Variants in ADAP1 observed in about 807,000 individuals in gnomAD.
ADAP1 encodes the protein arf-GAP with dual PH domain-containing protein 1.
Under a neutral mutation model 54.9 loss-of-function variants are expected in ADAP1, and 31 were observed. The observed-to-expected ratio is 0.56, with a 90% CI of 0.42 to 0.76. The LOEUF is 0.76. Among genes scored for constraint, ADAP1 ranks in the 30% least tolerant of loss-of-function variants. The pLI is 0.00. For missense variants in ADAP1, 535 were observed against 512.4 expected (o/e 1.04, Z -0.42); for synonymous variants, 313 against 202.6 (o/e 1.55, Z -4.63).
At chr7:904,910 C>G (rs1290127559) in intron 5 of ADAP1, 150 bp downstream of exon 5, 2 of 703,656 alleles carry the variant, frequency 2.8e-6, no homozygotes, top group African/African-American at 1.8e-5. Flanking sequence ...AGGCTCAGCC[C>G]AACACAGGCC....
intron 1 of ADAP1, among the ~76,000 whole-genome samples, chr7:937,175 CCGACCTCT>C (rs1562934096): frequency 1.0e-5 from 1 of 98,816 alleles, no homozygotes; most frequent in African/African-American, 4.0e-5. Flanking sequence ...GGGGTCACGC[CCGACCTCT>C]GGGATTTGGG....
rs540742892 is a variant in ADAP1, at chr7:952,763, G to C, written c.82+1633C>G. 7.9e-5 allele frequency among the ~76,000 whole-genome samples: 12 copies of C among 152,314 alleles called. No homozygotes were observed. In the East Asian group the frequency reaches 2.3e-3, roughly 29 times the overall value. ...CCGACAGAGGAGACAAGTCACTGAGGTCATGGACAGATTCTGAAAAGGCAG... is the reference window on the plus strand; with the variant it reads ...CCGACAGAGGAGACAAGTCACTGAGCTCATGGACAGATTCTGAAAAGGCAG... On this transcript the variant is annotated intron_variant, in intron 1 of 10. Transcript: ENST00000265846.
chr7:906,746 T>A lies in ADAP1; in HGVS notation c.389-1574A>T, dbSNP rs1432071158. 5.1e-3 allele frequency among the ~76,000 whole-genome samples: 119 copies of A among 23,230 alleles called. 5 individuals carry two copies. The highest frequency in any genetic ancestry group is 0.032 in the East Asian group (11 of 340). The allele number at this position is 23,230 out of a possible 152,430, so 15.2% of individuals were successfully genotyped here. A position where few individuals can be genotyped will look rare whatever the true frequency, so the allele number is the denominator to read the frequency against. ...GACGGGACATGGGGGACAGAGTACA[T>A]AGGGGACATGGACAGGGGACATGGG... On this transcript the variant is annotated intron_variant, in intron 4 of 10. Coordinates refer to ENST00000265846, the MANE Select transcript of ADAP1 (RefSeq NM_006869.4).
intron 2 of ADAP1, 59 bp downstream of exon 2, chr7:935,316 G>C (rs907402009): frequency 1.3e-6 from 2 of 1,531,936 alleles, no homozygotes; most frequent in Non-Finnish European, 1.8e-6. Context: ...TGGCTCCAGA[G>C]GCCCGGGCTG....
At chr7:936,703 T>TG (rs1181079359) in intron 1 of ADAP1, among the ~76,000 whole-genome samples, 1 of 152,224 alleles carries the variant, frequency 6.6e-6, no homozygotes, top group Non-Finnish European at 1.5e-5. Flanking sequence ...ACAGTCTCTC[T>TG]GGGGGAGATG....
chr7:920,709 C>T lies in ADAP1; in HGVS notation c.306-659G>A, dbSNP rs1846159957. Reference sequence around the variant, plus strand: ...AGAGTAAAGCCCGGGACGAGGGCCCCCCACGGCACCCACTGAGCCCAGACA... The same window carrying T: ...AGAGTAAAGCCCGGGACGAGGGCCCTCCACGGCACCCACTGAGCCCAGACA... On this transcript the variant is annotated intron_variant, in intron 3 of 10. Coordinates refer to ENST00000265846, the MANE Select transcript of ADAP1 (RefSeq NM_006869.4). The surrounding 1 kb of genome is among the most constrained non-coding windows in gnomAD (Gnocchi z 4.5). The T allele has an allele frequency of 9.2e-6, 12 of 1,299,724 alleles. No homozygotes were observed. The highest frequency in any genetic ancestry group is 4.2e-6 in the Non-Finnish European group (4 of 943,990). The allele number at this position is 1,299,724 out of a possible 1,614,324, so 80.5% of individuals were successfully genotyped here. A position where few individuals can be genotyped will look rare whatever the true frequency, so the allele number is the denominator to read the frequency against.
intron 4 of ADAP1, among the ~76,000 whole-genome samples, chr7:918,724 C>A (rs147809649): frequency 2.0e-5 from 3 of 152,290 alleles, no homozygotes; most frequent in South Asian, 2.1e-4. Flanking sequence ...CCTGTCGACA[C>A]GGTGGAGAAA....
Position 926,816 on chromosome 7 carries a change from G to T in ADAP1, c.214-172C>A. 1.4e-6 allele frequency: 1 copy of T among 738,898 alleles called. No individual in the cohort carries two copies. Among genetic ancestry groups the T allele is most frequent in the Non-Finnish European group, 2.1e-6 (1 of 478,034 alleles). 45.8% of individuals were successfully genotyped at this position (738,898 alleles called of 1,614,324 possible). On this transcript the variant is annotated intron_variant, in intron 2 of 10. Coordinates refer to ENST00000265846, the MANE Select transcript of ADAP1 (RefSeq NM_006869.4). The surrounding 1 kb of genome is among the most constrained non-coding windows in gnomAD (Gnocchi z 4.6). ...CTCCTGCCCCAGGGACACCATTTCT[G>T]AGTGATCGACCCTCCCCTGGGACAG... is the stretch of plus-strand genomic sequence containing the variant.
intron 4 of ADAP1, among the ~76,000 whole-genome samples, chr7:906,436 GA>G (rs1486675058): frequency 7.7e-6 from 1 of 130,428 alleles, no homozygotes; most frequent in African/African-American, 2.8e-5. Flanking sequence ...AAGGAGAAAG[GA>G]GAAAGGAGAA....
intron 7 of ADAP1, 68 bp downstream of exon 7, chr7:900,465 G>T: frequency 6.7e-7 from 1 of 1,482,152 alleles, no homozygotes; most frequent in Non-Finnish European, 9.2e-7. Flanking sequence ...CAGGGCACGA[G>T]GGCTCCGTCC....
Position 903,924 on chromosome 7 carries a change from C to G in ADAP1, c.648+202G>C, listed in dbSNP as rs1376187249. On this transcript the variant is annotated intron_variant, in intron 6 of 10. Coordinates refer to ENST00000265846, the MANE Select transcript of ADAP1 (RefSeq NM_006869.4). ...GCCTTCCTGCACCTGTCTTCCCATG[C>G]TGCCCGGCGCCAGTGCCCACACTCC... 2.0e-5 allele frequency: 12 copies of G among 607,882 alleles called. No homozygotes were observed. The South Asian group carries it at 2.6e-4, about 13-fold the overall frequency. The allele number at this position is 607,882 out of a possible 1,614,324, so 37.7% of individuals were successfully genotyped here.
chr7:935,087 G>A (rs999407644), intron 2 of ADAP1: 23 of 557,856 alleles, frequency 4.1e-5, no homozygotes, highest in African/African-American at 3.7e-4. Context: ...GGAGCACTCC[G>A]GAGCTCCCAG....
At chr7:953,568 T>G (rs1562940382) in intron 1 of ADAP1, among the ~76,000 whole-genome samples, 1 of 152,222 alleles carries the variant, frequency 6.6e-6, no homozygotes, top group Non-Finnish European at 1.5e-5. Flanking sequence ...ATTCCTGGTG[T>G]GCCTGGGGTG....
At chr7:936,848 C>A (rs1846776017) in intron 1 of ADAP1, among the ~76,000 whole-genome samples, 1 of 152,216 alleles carries the variant, frequency 6.6e-6, no homozygotes, top group African/African-American at 2.4e-5. Flanking sequence ...GGAGAGGACC[C>A]CACCCTTCAG....
chr7:910,572 T>C (rs1298206429), intron 4 of ADAP1, among the ~76,000 whole-genome samples: 2 of 152,226 alleles, frequency 1.3e-5, no homozygotes, highest in Non-Finnish European at 2.9e-5. Context: ...CTTGGATTTG[T>C]CAGAGCTGGG....
Position 926,358 on chromosome 7 carries a change from C to CCACCCCAG in ADAP1, c.305+194_305+195insCTGGGGTG, listed in dbSNP as rs1341624225. On this transcript the variant is annotated intron_variant, in intron 3 of 10. Transcript: ENST00000265846. This position sits in a 1 kb window ranked among gnomAD's most constrained non-coding sequence, Gnocchi z 4.6. ...CTTCCCAGCCCCACCCCAGCGCCCC[C>CCACCCCAG]CGCCCCAGAACCAAAGCCCGGTGGT... 1.3e-5 allele frequency among the ~76,000 whole-genome samples: 2 copies of CCACCCCAG among 152,146 alleles called. No individual in the cohort carries two copies. Among genetic ancestry groups the CCACCCCAG allele is most frequent in the East Asian group, 1.9e-4 (1 of 5,186 alleles).
Position 915,517 on chromosome 7 carries a change from G to T in ADAP1, c.388+4451C>A, listed in dbSNP as rs559130730. Reference sequence around the variant, plus strand: ...GGCCAAGGCCTTGGGCTCCGACCCTGCGAGCAAGCGTGTGCCTGAAAACCT... The same window carrying T: ...GGCCAAGGCCTTGGGCTCCGACCCTTCGAGCAAGCGTGTGCCTGAAAACCT... On this transcript the variant is annotated intron_variant, in intron 4 of 10. Transcript: ENST00000265846. Among the ~76,000 whole-genome samples, 407 of 152,344 alleles carry T rather than the reference G, an allele frequency of 2.7e-3. 3 individuals are homozygous for T. Among genetic ancestry groups the T allele is most frequent in the African/African-American group, 9.3e-3 (388 of 41,582 alleles).
In ADAP1 at chr7:926,574, C is replaced by G. The variant is rs148979654; in HGVS notation, c.284G>C (p.Arg95Pro). Residue 95 changes from arginine (R) to proline (P), a missense_variant, in exon 3 of 11, where the codon CGG (arginine) becomes CCG (proline). Arg to Pro is a moderately radical substitution (Grantham distance 103). Transcript: ENST00000265846. This position sits in a 1 kb window ranked among gnomAD's most constrained non-coding sequence, Gnocchi z 4.6. ...FESKVPSFYY[R>P]PTPSDCQLLR... ...TCACTGGCAGTCGGAGGGCGTGGGC[C>G]GGTAGTAGAAGGAGGGTACTTTGGA... is the stretch of plus-strand genomic sequence containing the variant. 1.3e-6 allele frequency: 2 copies of G among 1,539,660 alleles called. No homozygotes were observed. The highest frequency in any genetic ancestry group is 4.2e-5 in the Admixed American group (2 of 47,596).
Position 920,393 on chromosome 7 carries a change from G to A in ADAP1, c.306-343C>T, listed in dbSNP as rs935980722. Among the ~76,000 whole-genome samples, 10 of 151,994 alleles carry A rather than the reference G, an allele frequency of 6.6e-5. No homozygotes were observed. The highest frequency in any genetic ancestry group is 3.9e-4 in the Admixed American group (6 of 15,280). On this transcript the variant is annotated intron_variant, in intron 3 of 10. Transcript: ENST00000265846. This position sits in a 1 kb window ranked among gnomAD's most constrained non-coding sequence, Gnocchi z 4.5. ...CCCACAGGGCTGGGGTACAGGGGTT[G>A]AGCCAGGCCCCCCCACCCCGAGTCA...
Sources: gnomAD v4.1 joint callset for allele counts (sites outside exome capture counted in the v4.1 genomes callset) on GRCh38, gnomAD v4.1.1 for gene constraint, Gnocchi (gnomAD v3.1) non-coding constraint, MANE v1.5 for transcripts, NCBI Gene and HGNC (gene_info 2026-07-23, HGNC 2026-07-21) for gene names.